MAST2: variants seen among roughly 807,000 people sequenced by gnomAD.
The protein encoded by MAST2 is microtubule associated serine/threonine kinase 2.
In MAST2, 70 loss-of-function variants were observed where a neutral mutation model predicts 147.4. That is an observed-to-expected ratio of 0.47 (90% CI 0.39 to 0.58). The LOEUF (loss-of-function observed/expected upper bound fraction) is 0.58, where lower values mean the gene tolerates loss of function less well. Ranked by LOEUF, MAST2 falls within the 20% of genes least tolerant of loss-of-function variation. The probability of loss-of-function intolerance (pLI) is 0.00; values close to 1 mark genes in which losing one functional copy is unlikely to be tolerated. For missense variants in MAST2, 2,080 were observed against 2,302.3 expected, an observed-to-expected ratio of 0.90 and a Z score of 1.98; for synonymous variants, 869 against 896.8, an observed-to-expected ratio of 0.97 and a Z score of 0.55.
At chr1:45,837,202 C>T (rs566610400) in intron 3 of MAST2, among the ~76,000 whole-genome samples, 1 of 152,298 alleles carries the variant, frequency 6.6e-6, no homozygotes, top group East Asian at 1.9e-4. Context: ...GTGGCCTGGT[C>T]CCTAACAGGC....
rs1017864634 is a variant in MAST2, at chr1:45,946,326, A to C, written c.501-13060A>C. 4.6e-5 allele frequency among the ~76,000 whole-genome samples: 7 copies of C among 152,272 alleles called. No individual in the cohort carries two copies. In the East Asian group the frequency reaches 1.2e-3, roughly 25 times the overall value. On this transcript the variant is annotated intron_variant, in intron 4 of 28. Coordinates refer to ENST00000361297, the MANE Select transcript of MAST2 (RefSeq NM_015112.3). ...AGGTGTGGTGGAAAATCCTATCCTC[A>C]TCTTGAGACTGGGGATGGAGACAAG...
At position 45,918,571 on chromosome 1, in the gene MAST2, G is replaced by A. The variant is rs1029497469; in HGVS notation, c.500+36176G>A. The stretch of plus-strand genomic sequence containing the variant: ...TTCTGCCTCAGCCTCCCGAGTAGCT[G>A]GGATTACAGGCGGCTGCCCCCACAC... On this transcript the variant is annotated intron_variant, in intron 4 of 28. Transcript: ENST00000361297. Among the ~76,000 whole-genome samples, 6 of 152,248 alleles carry A rather than the reference G, an allele frequency of 3.9e-5. No individual in the cohort carries two copies. The East Asian group carries it at 1.2e-3, about 29-fold the overall frequency.
chr1:45,913,625 C>T, intron 4 of MAST2: 1 of 1,001,006 alleles, frequency 1.0e-6, no homozygotes. Flanking sequence ...TGTCCCACTG[C>T]TGCCTCGTGG....
intron 1 of MAST2, among the ~76,000 whole-genome samples, chr1:45,822,636 T>G (rs906302379): frequency 6.6e-6 from 1 of 152,144 alleles, no homozygotes. Context: ...TTTTTTGAGA[T>G]AGGATCTTTC....
intron 18 of MAST2, chr1:46,029,223 G>T: frequency 1.8e-6 from 1 of 550,382 alleles, no homozygotes. Context: ...GTACGTCTGT[G>T]TATGTTTTGT....
intron 15 of MAST2, among the ~76,000 whole-genome samples, chr1:46,024,970 G>A (rs540557383): frequency 1.2e-4 from 18 of 152,322 alleles, no homozygotes; most frequent in Admixed American, 5.2e-4. Context: ...TGAAAGGCAT[G>A]TCTCACATGG....
intron 5 of MAST2, among the ~76,000 whole-genome samples, chr1:45,981,329 C>G (rs2149058927): frequency 6.6e-6 from 1 of 152,204 alleles, no homozygotes; most frequent in East Asian, 1.9e-4. Context: ...GCCTTGGCCT[C>G]TCAAAGTGCT....
chr1:46,036,105 A>G lies in MAST2; in HGVS notation c.*39A>G, dbSNP rs749223695. 1.3e-6 allele frequency: 2 copies of G among 1,534,102 alleles called. No individual in the cohort carries two copies. Among genetic ancestry groups the G allele is most frequent in the African/African-American group, 1.4e-5 (1 of 72,458 alleles). ...TTTCTTGCACTCAGACCTGTGTAATATATGCTCCTGGAAACCATCTTTATG... is the reference window on the plus strand; with the variant it reads ...TTTCTTGCACTCAGACCTGTGTAATGTATGCTCCTGGAAACCATCTTTATG... On this transcript the variant is annotated 3_prime_UTR_variant, in exon 29 of 29. Coordinates refer to ENST00000361297, the MANE Select transcript of MAST2 (RefSeq NM_015112.3).
At chr1:45,997,583 A>C in intron 5 of MAST2, 141 bp from the exon 6 acceptor site, 1 of 669,250 alleles carries the variant, frequency 1.5e-6, no homozygotes, top group Non-Finnish European at 2.7e-6. Flanking sequence ...TTTTACAGAA[A>C]GAGACTCATT....
chr1:46,007,593 C>G (rs1044199215), intron 8 of MAST2, among the ~76,000 whole-genome samples: 1 of 152,144 alleles, frequency 6.6e-6, no homozygotes, highest in African/African-American at 2.4e-5. Flanking sequence ...AGTTGTGAAC[C>G]TAGAACATCT....
At chr1:46,025,869 TAA>T in intron 16 of MAST2, 54 bp downstream of exon 16, 1 of 1,610,158 alleles carries the variant, frequency 6.2e-7, no homozygotes, top group Non-Finnish European at 8.5e-7. Flanking sequence ...GGTCTCCAGA[TAA>T]AATGTTGGCA....
At chr1:45,857,674 A>T (rs563323228) in intron 3 of MAST2, among the ~76,000 whole-genome samples, 28 of 152,224 alleles carry the variant, frequency 1.8e-4, no homozygotes, top group Admixed American at 5.9e-4. Context: ...ATATGTATAC[A>T]TGTGCCATGT....
At chr1:45,980,051 G>C (rs1421034159) in intron 5 of MAST2, among the ~76,000 whole-genome samples, 1 of 152,050 alleles carries the variant, frequency 6.6e-6, no homozygotes. Flanking sequence ...TTGGGAGGCC[G>C]AGGCAGGTGG....
At chr1:45,960,689 A>T (rs1660293688) in intron 5 of MAST2, among the ~76,000 whole-genome samples, 1 of 152,128 alleles carries the variant, frequency 6.6e-6, no homozygotes, top group Non-Finnish European at 1.5e-5. Context: ...GGGCTGCAGC[A>T]CTTCTGTGCA....
At chr1:45,859,371 A>G (rs1005278035) in intron 3 of MAST2, among the ~76,000 whole-genome samples, 21 of 152,224 alleles carry the variant, frequency 1.4e-4, no homozygotes, top group African/African-American at 5.1e-4. Context: ...AAGTGCTGGG[A>G]TTACAGGCAT....
At position 45,835,794 on chromosome 1, in the gene MAST2, A is replaced by G. The variant is rs540701131; in HGVS notation, c.468+6213A>G. On this transcript the variant is annotated intron_variant, in intron 3 of 28. Coordinates refer to ENST00000361297, the MANE Select transcript of MAST2 (RefSeq NM_015112.3). ...CCTCATTCTAGCTAGGGCAACCACT[A>G]ATCTGCTTTTTGTCTCTGTGGATTT... Among the ~76,000 whole-genome samples the G allele has an allele frequency of 7.0e-4, 106 of 152,152 alleles. 1 individual carries two copies. Among genetic ancestry groups the G allele is most frequent in the African/African-American group, 2.5e-3 (104 of 41,516 alleles).
chr1:45,859,507 A>G (rs1645907282), intron 3 of MAST2, among the ~76,000 whole-genome samples: 1 of 152,102 alleles, frequency 6.6e-6, no homozygotes, highest in Non-Finnish European at 1.5e-5. Flanking sequence ...CAGTGAAACA[A>G]AGTGGTGCGT....
chr1:45,809,614 A>T (rs1644236610), intron 1 of MAST2, among the ~76,000 whole-genome samples: 1 of 152,234 alleles, frequency 6.6e-6, no homozygotes, highest in Admixed American at 6.5e-5. Flanking sequence ...TCTGGGTGAC[A>T]GAATGAGACC....
Position 46,032,599 on chromosome 1 carries a change from G to C in MAST2, c.3418G>C (p.Val1140Leu). The C allele has an allele frequency of 6.2e-7, 1 of 1,614,066 alleles. No homozygotes were observed. Among genetic ancestry groups the C allele is most frequent in the South Asian group, 1.1e-5 (1 of 91,064 alleles). The change falls in exon 26 of 29, where the codon GTG (valine) becomes CTG (leucine). Residue 1140 changes from valine to leucine, a missense_variant. Transcript: ENST00000361297. The stretch of plus-strand genomic sequence containing the variant: ...TACTGTTCTCTTCCTGGCACAGCAC[G>C]TGGAGGATGGAGGTCCGGCCAGTGA... ...VYTVHHMVWHVEDGGPASEAG... is the reference protein window; with the variant it reads ...VYTVHHMVWHLEDGGPASEAG...
Sources: allele counts gnomAD v4.1 joint callset (sites outside exome capture counted in the v4.1 genomes callset), GRCh38; gene constraint gnomAD v4.1.1; transcripts MANE v1.5; gene names NCBI Gene and HGNC (gene_info 2026-07-23, HGNC 2026-07-21).